The following GALNT10 variants were observed in gnomAD, a reference collection of about 807,000 sequenced individuals.
The protein encoded by GALNT10 is GalNAc transferase 10.
Under a neutral mutation model 75.0 loss-of-function variants are expected in GALNT10, and 41 were observed. That is an observed-to-expected ratio of 0.55 (90% confidence interval 0.43 to 0.71). The LOEUF is 0.71. GALNT10 is among the 30% of genes least tolerant of loss of function. The pLI is 0.00. For missense variants in GALNT10, 727 were observed against 818.5 expected (o/e 0.89, Z 1.36); for synonymous variants, 302 against 313.0 (o/e 0.96, Z 0.37).
At chr5:154,406,616 G>A (rs1756287475) in intron 8 of GALNT10, among the ~76,000 whole-genome samples, 1 of 152,158 alleles carries the variant, frequency 6.6e-6, no homozygotes, top group Admixed American at 6.5e-5. Flanking sequence ...GGTCAACATG[G>A]CAAAACCCCA....
chr5:154,205,105 C>T (rs777307464), intron 1 of GALNT10, among the ~76,000 whole-genome samples: 1 of 152,220 alleles, frequency 6.6e-6, no homozygotes, highest in Non-Finnish European at 1.5e-5. Context: ...TGGGAAATTG[C>T]ACACTTTCAC....
intron 1 of GALNT10, among the ~76,000 whole-genome samples, chr5:154,210,756 G>T (rs543710897): frequency 6.6e-6 from 1 of 152,142 alleles, no homozygotes; most frequent in Non-Finnish European, 1.5e-5. Context: ...AAATAAATTA[G>T]ACATAAAGGA....
intron 1 of GALNT10, among the ~76,000 whole-genome samples, chr5:154,208,589 G>A (rs1581918952): frequency 6.6e-6 from 1 of 152,132 alleles, no homozygotes; most frequent in South Asian, 2.1e-4. Context: ...TTGGAATAGT[G>A]CCCGGCATTT....
chr5:154,257,174 A>G (rs1255329340), intron 1 of GALNT10, among the ~76,000 whole-genome samples: 7 of 152,180 alleles, frequency 4.6e-5, no homozygotes, highest in Non-Finnish European at 1.5e-5. Context: ...AAAGCTACTT[A>G]TCTAGCCAGT....
chr5:154,301,502 C>T (rs894420582), intron 3 of GALNT10, among the ~76,000 whole-genome samples: 1 of 151,004 alleles, frequency 6.6e-6, no homozygotes. Context: ...TTGGGAAATC[C>T]ATCACCTCAA....
intron 3 of GALNT10, among the ~76,000 whole-genome samples, chr5:154,321,275 C>T (rs1289704990): frequency 6.6e-6 from 1 of 151,780 alleles, no homozygotes; most frequent in Non-Finnish European, 1.5e-5. Flanking sequence ...TTGTTACATG[C>T]ATTGCCCTGA....
chr5:154,238,857 C>T (rs965010122), intron 1 of GALNT10, among the ~76,000 whole-genome samples: 1 of 152,150 alleles, frequency 6.6e-6, no homozygotes, highest in Non-Finnish European at 1.5e-5. Context: ...ATATGACTAC[C>T]ATTTATTGTG....
In GALNT10 at chr5:154,372,741, C is replaced by T. The variant is rs140037169; in HGVS notation, c.569-3536C>T. Among the ~76,000 whole-genome samples the T allele has an allele frequency of 9.3e-4, 141 of 152,110 alleles. 1 individual carries two copies. Among genetic ancestry groups the T allele is most frequent in the Middle Eastern group, 3.4e-3 (1 of 294 alleles). Reference sequence around the variant, plus strand: ...TGGCCGAGGTCCGACACATGGACCTCGGCAGCCCCTGGGGCAGAATGGCAG... The same window carrying T: ...TGGCCGAGGTCCGACACATGGACCTTGGCAGCCCCTGGGGCAGAATGGCAG... On this transcript the variant is annotated intron_variant, in intron 4 of 11. Transcript: ENST00000297107.
rs1251125384 is a variant in GALNT10 at position 154,412,782 on chromosome 5, T to A, written c.1387-107T>A. On this transcript the variant is annotated intron_variant, in intron 9 of 11. Coordinates refer to ENST00000297107, the MANE Select transcript of GALNT10 (RefSeq NM_198321.4). The surrounding 1 kb of genome is among the most constrained non-coding windows in gnomAD (Gnocchi z 4.2). ...AAGCTTTATCAAGACGATTTGAAGGTTAATCCAGCTAATGTCTCCCACTTG... is the reference window on the plus strand; with the variant it reads ...AAGCTTTATCAAGACGATTTGAAGGATAATCCAGCTAATGTCTCCCACTTG... 1 of 802,454 alleles carries A rather than the reference T, an allele frequency of 1.2e-6. No individual in the cohort carries two copies. The highest frequency in any genetic ancestry group is 2.2e-6 in the Non-Finnish European group (1 of 452,842). 49.7% of individuals were successfully genotyped at this position (802,454 alleles called of 1,614,324 possible).
chr5:154,309,294 A>C (rs1358367079), intron 3 of GALNT10, among the ~76,000 whole-genome samples: 1 of 152,094 alleles, frequency 6.6e-6, no homozygotes, highest in African/African-American at 2.4e-5. Context: ...GTGAATGATG[A>C]GAAGTTAGGC....
intron 4 of GALNT10, among the ~76,000 whole-genome samples, chr5:154,348,895 G>A (rs1328001207): frequency 6.6e-6 from 1 of 151,996 alleles, no homozygotes; most frequent in Non-Finnish European, 1.5e-5. Context: ...TTTACTTCTT[G>A]TCACCTCCAG....
At chr5:154,294,744 G>A in intron 1 of GALNT10, 72 bp from the exon 2 acceptor site, 2 of 799,368 alleles carry the variant, frequency 2.5e-6, no homozygotes, top group Non-Finnish European at 4.4e-6. Context: ...GCTCCCTTAG[G>A]CAGTGTAACT....
chr5:154,391,383 G>A (rs560619830), intron 7 of GALNT10, among the ~76,000 whole-genome samples: 1 of 152,198 alleles, frequency 6.6e-6, no homozygotes, highest in Non-Finnish European at 1.5e-5. Context: ...TCTCTATCCT[G>A]ATGAGAAAAT....
chr5:154,257,960 G>T (rs998224294), intron 1 of GALNT10, among the ~76,000 whole-genome samples: 1 of 152,024 alleles, frequency 6.6e-6, no homozygotes, highest in Non-Finnish European at 1.5e-5. Flanking sequence ...GAGCCTTTTT[G>T]CATCATGCTT....
At chr5:154,226,937 G>T (rs1179329741) in intron 1 of GALNT10, among the ~76,000 whole-genome samples, 5 of 150,766 alleles carry the variant, frequency 3.3e-5, no homozygotes, top group African/African-American at 9.8e-5. Flanking sequence ...GAATCATACG[G>T]TATGTACTCT....
chr5:154,410,617 G>C (rs1756379253), intron 9 of GALNT10, among the ~76,000 whole-genome samples: 2 of 152,150 alleles, frequency 1.3e-5, no homozygotes, highest in Admixed American at 6.5e-5. Flanking sequence ...GGCTAACACG[G>C]GGCAGTAACG....
chr5:154,389,270 T>C (rs1218545228), intron 7 of GALNT10: 3 of 151,610 alleles, frequency 2.0e-5, no homozygotes, highest in Non-Finnish European at 2.9e-5. Context: ...CTTATAAATA[T>C]TCTAAAAATA....
intron 3 of GALNT10, among the ~76,000 whole-genome samples, chr5:154,327,664 A>C (rs541771241): frequency 6.6e-6 from 1 of 152,250 alleles, no homozygotes; most frequent in Non-Finnish European, 1.5e-5. Flanking sequence ...GTAAAGAATC[A>C]AGAACTTACC....
At position 154,298,061 on chromosome 5, in the gene GALNT10, C is replaced by G. The variant is rs1179453803; in HGVS notation, c.383C>G (p.Pro128Arg). 1 of 1,612,970 alleles carries G rather than the reference C, an allele frequency of 6.2e-7. No homozygotes were observed. The highest frequency in any genetic ancestry group is 1.7e-5 in the Admixed American group (1 of 59,908). ...SDKISLNRSL[P>R]DIRHPNCNSK... The stretch of plus-strand genomic sequence containing the variant: ...AAAATCTCCTTGAATCGCTCTCTCC[C>G]AGATATCCGGCACCCAAAGTGAGTG... The change falls in exon 3 of 12, where the codon CCA becomes CGA. Residue 128 changes from proline (P) to arginine (R), a missense_variant. By Grantham distance (103) the Pro-to-Arg change is moderately radical. Coordinates refer to ENST00000297107, the MANE Select transcript of GALNT10 (RefSeq NM_198321.4). This position sits in a 1 kb window ranked among gnomAD's most constrained non-coding sequence, Gnocchi z 4.1.
Sources: gnomAD v4.1 joint callset for allele counts (sites outside exome capture counted in the v4.1 genomes callset) on GRCh38, gnomAD v4.1.1 for gene constraint, Gnocchi (gnomAD v3.1) non-coding constraint, MANE v1.5 for transcripts, NCBI Gene and HGNC (gene_info 2026-07-23, HGNC 2026-07-21) for gene names.